Variants in GBE1 observed in about 807,000 individuals in gnomAD.
The protein encoded by GBE1 is 1,4-alpha-glucan-branching enzyme.
GBE1 carries 70 observed loss-of-function variants against 88.8 expected under a neutral mutation model. The ratio of observed to expected loss-of-function variants is 0.79; its 90% CI spans 0.65 to 0.96. The LOEUF (loss-of-function observed/expected upper bound fraction) is 0.96, where lower values mean the gene tolerates loss of function less well. Among genes scored for constraint, GBE1 ranks in the 40% least tolerant of loss-of-function variants. The pLI is 0.00. For missense variants in GBE1, 872 were observed against 871.0 expected, an observed-to-expected ratio of 1.00 and a Z score of -0.01; for synonymous variants, 284 against 300.1, an observed-to-expected ratio of 0.95 and a Z score of 0.56.
At chr3:81,628,372 T>A (rs1197700205) in intron 7 of GBE1, among the ~76,000 whole-genome samples, 1 of 151,952 alleles carries the variant, frequency 6.6e-6, no homozygotes, top group Non-Finnish European at 1.5e-5. Context: ...AGCATACAGA[T>A]AAGAACATGA....
At chr3:81,750,762 C>T (rs1368823093) in intron 1 of GBE1, among the ~76,000 whole-genome samples, 1 of 142,686 alleles carries the variant, frequency 7.0e-6, no homozygotes, top group Non-Finnish European at 1.5e-5. Context: ...CTCACTGCAA[C>T]CTCCTCCTCC....
chr3:81,492,603 A>ATCTT (rs1045072610), intron 15 of GBE1, among the ~76,000 whole-genome samples: 7 of 151,820 alleles, frequency 4.6e-5, no homozygotes, highest in Non-Finnish European at 7.4e-5. Flanking sequence ...TCTAGTCTAC[A>ATCTT]TCTTTCTTTC....
intron 7 of GBE1, among the ~76,000 whole-genome samples, chr3:81,599,702 A>G (rs1704007156): frequency 6.6e-6 from 1 of 152,182 alleles, no homozygotes; most frequent in African/African-American, 2.4e-5. Flanking sequence ...GTACATATAT[A>G]CAGACATAGG....
intron 7 of GBE1, chr3:81,612,735 T>C: frequency 8.7e-6 from 4 of 459,702 alleles, no homozygotes; most frequent in Middle Eastern, 7.5e-4. Context: ...TTCTTGTCCC[T>C]TTTTAGGCAA....
At chr3:81,748,019 T>C (rs754128253) in intron 1 of GBE1, among the ~76,000 whole-genome samples, 4 of 151,714 alleles carry the variant, frequency 2.6e-5, no homozygotes, top group Non-Finnish European at 5.9e-5. Context: ...ACTAGGGAGG[T>C]TGAAGCAGGA....
At chr3:81,598,740 A>G (rs975127109) in intron 7 of GBE1, among the ~76,000 whole-genome samples, 1 of 151,804 alleles carries the variant, frequency 6.6e-6, no homozygotes, top group Admixed American at 6.6e-5. Flanking sequence ...TATTGTATAT[A>G]TTAATTTCAA....
chr3:81,532,297 T>C (rs1460606137), intron 14 of GBE1, among the ~76,000 whole-genome samples: 1 of 152,004 alleles, frequency 6.6e-6, no homozygotes, highest in Non-Finnish European at 1.5e-5. Context: ...TATTCAACCA[T>C]CTTGCACGAA....
intron 14 of GBE1, among the ~76,000 whole-genome samples, chr3:81,499,470 C>T (rs572128740): frequency 6.6e-5 from 10 of 152,250 alleles, no homozygotes; most frequent in South Asian, 6.2e-4. Flanking sequence ...CAGCCTGGGA[C>T]GAAACATACC....
chr3:81,601,019 A>G (rs1222540542), intron 7 of GBE1, among the ~76,000 whole-genome samples: 2 of 152,112 alleles, frequency 1.3e-5, no homozygotes, highest in South Asian at 4.2e-4. Flanking sequence ...ATGGTATTTG[A>G]ATTTGCACTA....
At chr3:81,695,663 T>G (rs1465525515) in intron 2 of GBE1, among the ~76,000 whole-genome samples, 1 of 152,166 alleles carries the variant, frequency 6.6e-6, no homozygotes, top group Non-Finnish European at 1.5e-5. Context: ...TCCCTCAACT[T>G]TTAAAATATT....
chr3:81,536,831 A>G, intron 13 of GBE1, 80 bp downstream of exon 13: 1 of 1,070,554 alleles, frequency 9.3e-7, no homozygotes, highest in Non-Finnish European at 1.4e-6. Flanking sequence ...AAAGATCTGC[A>G]TAGAGATTTA....
intron 1 of GBE1, among the ~76,000 whole-genome samples, chr3:81,715,599 A>G (rs1705928052): frequency 1.3e-5 from 2 of 152,190 alleles, no homozygotes; most frequent in African/African-American, 4.8e-5. Context: ...ATTGGTATAT[A>G]CCACCTACTA....
intron 14 of GBE1, among the ~76,000 whole-genome samples, chr3:81,505,307 C>A (rs1160444043): frequency 6.6e-6 from 1 of 152,110 alleles, no homozygotes; most frequent in African/African-American, 2.4e-5. Context: ...GTTCAAAATT[C>A]TAAGGAATGT....
At chr3:81,599,765 T>C (rs1197434196) in intron 7 of GBE1, among the ~76,000 whole-genome samples, 2 of 152,176 alleles carry the variant, frequency 1.3e-5, no homozygotes, top group Non-Finnish European at 2.9e-5. Flanking sequence ...TTCTACCTTA[T>C]CTATAAAATA....
intron 2 of GBE1, among the ~76,000 whole-genome samples, chr3:81,684,946 C>G (rs3772899): frequency 0.57 from 86,345 of 152,008 alleles, 25,429 homozygotes; most frequent in African/African-American, 0.74. Context: ...GCTACTCTCT[C>G]GATATTCAAC....
chr3:81,521,037 T>C (rs956836533), intron 14 of GBE1, among the ~76,000 whole-genome samples: 14 of 151,538 alleles, frequency 9.2e-5, no homozygotes, highest in Non-Finnish European at 3.0e-5. Flanking sequence ...TTAGTGTTTC[T>C]TCTACCTTGC....
chr3:81,641,799 C>G (rs1293682025), intron 7 of GBE1, among the ~76,000 whole-genome samples: 1 of 151,364 alleles, frequency 6.6e-6, no homozygotes, highest in Admixed American at 6.6e-5. Context: ...AAATTATTTG[C>G]TGAGACATTT....
chr3:81,517,085 T>C (rs1017032530), intron 14 of GBE1, among the ~76,000 whole-genome samples: 11 of 151,518 alleles, frequency 7.3e-5, no homozygotes, highest in African/African-American at 2.7e-4. Flanking sequence ...AGAGTTCTAC[T>C]GTGGGTAAAA....
intron 2 of GBE1, among the ~76,000 whole-genome samples, chr3:81,702,614 G>T (rs1705716337): frequency 6.6e-6 from 1 of 151,822 alleles, no homozygotes; most frequent in Non-Finnish European, 1.5e-5. Context: ...AATATTTGTT[G>T]ATTGAGAATC....
Sources: gnomAD v4.1 joint callset for allele counts (sites outside exome capture counted in the v4.1 genomes callset) on GRCh38, gnomAD v4.1.1 for gene constraint, MANE v1.5 for transcripts, NCBI Gene and HGNC (gene_info 2026-07-23, HGNC 2026-07-21) for gene names.